VWA3B: variants seen among roughly 807,000 people sequenced by gnomAD.
VWA3B encodes von Willebrand factor A domain containing 3B.
Under a neutral mutation model 158.3 loss-of-function variants are expected in VWA3B, and 138 were observed. The ratio of observed to expected loss-of-function variants is 0.87; its 90% CI spans 0.76 to 1.00. The LOEUF (loss-of-function observed/expected upper bound fraction) is 1.00, where lower values mean the gene tolerates loss of function less well. Among genes scored for constraint, VWA3B ranks in the 50% least tolerant of loss-of-function variants. The pLI, the probability that VWA3B is intolerant of heterozygous loss-of-function variation, is 0.00. For missense variants in VWA3B, 1,555 were observed against 1,565.1 expected (o/e 0.99, Z 0.11); for synonymous variants, 596 against 587.3 (o/e 1.01, Z -0.21).
At chr2:98,208,807 T>A (rs1683243243) in intron 12 of VWA3B, among the ~76,000 whole-genome samples, 1 of 152,238 alleles carries the variant, frequency 6.6e-6, no homozygotes, top group African/African-American at 2.4e-5. Context: ...GGATTATCTA[T>A]TATGCTTACT....
intron 2 of VWA3B, among the ~76,000 whole-genome samples, chr2:98,098,429 C>T (rs1278323182): frequency 2.6e-5 from 4 of 151,910 alleles, no homozygotes; most frequent in Non-Finnish European, 5.9e-5. Context: ...TTTTTATACC[C>T]TCTTGATGAA....
intron 6 of VWA3B, among the ~76,000 whole-genome samples, chr2:98,129,693 C>CTG (rs147179920): frequency 2.7e-4 from 39 of 146,130 alleles, no homozygotes; most frequent in Admixed American, 2.7e-4. Context: ...CACCCTGGGT[C>CTG]TGTGTGTGTG....
chr2:98,289,190 T>G (rs1201229410), intron 22 of VWA3B, among the ~76,000 whole-genome samples: 1 of 152,196 alleles, frequency 6.6e-6, no homozygotes. Context: ...GAATCATTAT[T>G]TTTGCATATG....
At chr2:98,118,610 A>G (rs924407664) in intron 3 of VWA3B, among the ~76,000 whole-genome samples, 2 of 152,142 alleles carry the variant, frequency 1.3e-5, no homozygotes, top group Non-Finnish European at 2.9e-5. Context: ...CCAATCATCT[A>G]TTGCCTGAGA....
intron 21 of VWA3B, among the ~76,000 whole-genome samples, chr2:98,266,815 A>G (rs1687866573): frequency 7.0e-6 from 1 of 142,718 alleles, no homozygotes; most frequent in East Asian, 2.0e-4. Context: ...GCAATTGTGA[A>G]TGGGAGTTCA....
At chr2:98,317,898 A>T (rs1691123029), downstream of VWA3B, among the ~76,000 whole-genome samples, 1 of 152,240 alleles carries the variant, frequency 6.6e-6, no homozygotes, top group East Asian at 1.9e-4. Context: ...AACAAAGTTC[A>T]TATGGAAAAA....
At chr2:98,136,135 C>T (rs567752442) in intron 7 of VWA3B, among the ~76,000 whole-genome samples, 1 of 152,252 alleles carries the variant, frequency 6.6e-6, no homozygotes, top group African/African-American at 2.4e-5. Context: ...AGATAATAGG[C>T]TTTCAGGGTA....
chr2:98,173,987 G>A (rs547510405), intron 8 of VWA3B, among the ~76,000 whole-genome samples: 1 of 151,712 alleles, frequency 6.6e-6, no homozygotes, highest in African/African-American at 2.4e-5. Context: ...AAAAATGACT[G>A]TGGAAAAGCA....
Position 98,311,950 on chromosome 2 carries a change from A to G in VWA3B, c.3653A>G (p.Gln1218Arg). ...KKRPAKQPLQ[Q>R]AAPSDSDGSS... ...AGGCCCGCCAAGCAGCCACTCCAGC[A>G]GGCGGCGCCCTCGGACTCGGACGGC... Residue 1218 changes from glutamine (Q) to arginine (R), a missense_variant, in exon 27 of 28, where the codon CAG becomes CGG. By Grantham distance (43) the Gln-to-Arg change is conservative. Transcript: ENST00000477737. 6.2e-7 allele frequency: 1 copy of G among 1,607,578 alleles called. No individual in the cohort carries two copies. The highest frequency in any genetic ancestry group is 8.5e-7 in the Non-Finnish European group (1 of 1,176,980).
chr2:98,173,371 A>G (rs960198312), intron 8 of VWA3B, among the ~76,000 whole-genome samples: 8 of 152,250 alleles, frequency 5.3e-5, no homozygotes, highest in African/African-American at 1.4e-4. Context: ...GACAAGGTTG[A>G]TTGATAAGCA....
intron 7 of VWA3B, among the ~76,000 whole-genome samples, chr2:98,152,534 G>GA (rs1243090577): frequency 6.6e-6 from 1 of 152,132 alleles, no homozygotes; most frequent in Non-Finnish European, 1.5e-5. Context: ...TCTCAGTAAG[G>GA]AAAAAGACTT....
intron 20 of VWA3B, among the ~76,000 whole-genome samples, chr2:98,255,726 C>A (rs1329702691): frequency 6.6e-6 from 1 of 152,096 alleles, no homozygotes; most frequent in Non-Finnish European, 1.5e-5. Context: ...CCCTGTTAAA[C>A]TCTTTTGATC....
At chr2:98,195,344 A>G (rs1371575517) in intron 12 of VWA3B, among the ~76,000 whole-genome samples, 2 of 152,234 alleles carry the variant, frequency 1.3e-5, no homozygotes, top group East Asian at 3.9e-4. Flanking sequence ...TCTAGTTTAG[A>G]GTCTTAGATT....
intron 12 of VWA3B, chr2:98,206,993 C>A: frequency 2.0e-6 from 1 of 488,494 alleles, no homozygotes; most frequent in Non-Finnish European, 4.1e-6. Context: ...GCCCAGGTAG[C>A]TCTGACTGGA....
At chr2:98,277,605 G>A (rs1021695787) in intron 22 of VWA3B, among the ~76,000 whole-genome samples, 4 of 152,150 alleles carry the variant, frequency 2.6e-5, no homozygotes, top group African/African-American at 4.8e-5. Context: ...GGCTGCACAC[G>A]TTTCCTTCTC....
intron 16 of VWA3B, among the ~76,000 whole-genome samples, chr2:98,234,128 G>A (rs559958553): frequency 1.3e-3 from 199 of 152,296 alleles, no homozygotes; most frequent in Admixed American, 2.9e-3. Context: ...ATGATGACAC[G>A]TCACTCTCAT....
At chr2:98,292,387 C>A (rs527533712) in intron 23 of VWA3B, among the ~76,000 whole-genome samples, 47 of 151,998 alleles carry the variant, frequency 3.1e-4, no homozygotes, top group African/African-American at 1.1e-3. Context: ...TGGTTTCCAG[C>A]GGGCACATAT....
chr2:98,238,270 G>T (rs140255073), intron 19 of VWA3B, among the ~76,000 whole-genome samples: 1 of 152,160 alleles, frequency 6.6e-6, no homozygotes, highest in Non-Finnish European at 1.5e-5. Context: ...CAAGGTGAGT[G>T]CTCCTGTCCC....
chr2:98,259,859 G>A (rs1687375939), intron 21 of VWA3B, among the ~76,000 whole-genome samples: 1 of 151,524 alleles, frequency 6.6e-6, no homozygotes, highest in Non-Finnish European at 1.5e-5. Context: ...CTTTTAATGA[G>A]GAATTTACAG....
Sources: gnomAD v4.1 joint callset for allele counts (sites outside exome capture counted in the v4.1 genomes callset) on GRCh38, gnomAD v4.1.1 for gene constraint, MANE v1.5 for transcripts, NCBI Gene and HGNC (gene_info 2026-07-23, HGNC 2026-07-21) for gene names.